VTI1A: variants seen among roughly 807,000 people sequenced by gnomAD.
VTI1A encodes vesicle transport through interaction with t-SNAREs homolog 1A.
VTI1A carries 22 observed loss-of-function variants against 34.9 expected under a neutral mutation model. The observed-to-expected ratio is 0.63, with a 90% CI of 0.45 to 0.90. The LOEUF is 0.90. Among genes scored for constraint, VTI1A ranks in the 40% least tolerant of loss-of-function variants. The pLI is 0.00. For missense variants in VTI1A, 268 were observed against 275.6 expected (o/e 0.97, Z 0.20); for synonymous variants, 87 against 97.3 (o/e 0.89, Z 0.62).
At chr10:112,448,201 G>T (rs762648810) in intron 1 of VTI1A, among the ~76,000 whole-genome samples, 2 of 152,088 alleles carry the variant, frequency 1.3e-5, no homozygotes, top group African/African-American at 2.4e-5. Flanking sequence ...GTTAGTTGCT[G>T]TATTAGCATT....
chr10:112,597,729 G>A (rs1163942618), intron 5 of VTI1A, among the ~76,000 whole-genome samples: 1 of 117,096 alleles, frequency 8.5e-6, no homozygotes, highest in East Asian at 2.5e-4. Context: ...ACGGAGTCTC[G>A]CTCTGTCGCC....
chr10:112,669,111 C>A (rs1847752880), intron 7 of VTI1A, 113 bp downstream of exon 7: 9 of 1,211,134 alleles, frequency 7.4e-6, no homozygotes, highest in Non-Finnish European at 1.1e-5. Flanking sequence ...GCTCTTAGTA[C>A]CCTGTGCAGG....
At chr10:112,691,738 G>T (rs1483325300) in intron 7 of VTI1A, among the ~76,000 whole-genome samples, 1 of 152,190 alleles carries the variant, frequency 6.6e-6, no homozygotes, top group East Asian at 1.9e-4. Flanking sequence ...ACAGCAACTT[G>T]CATGGAAGGT....
downstream of VTI1A, among the ~76,000 whole-genome samples, chr10:112,819,080 T>C (rs964902730): frequency 6.6e-6 from 1 of 152,238 alleles, no homozygotes; most frequent in Non-Finnish European, 1.5e-5. Flanking sequence ...TGTATTCAAA[T>C]GCAGAAGAGA....
intron 4 of VTI1A, chr10:112,533,547 A>C: frequency 9.9e-7 from 1 of 1,012,324 alleles, no homozygotes; most frequent in Non-Finnish European, 1.2e-6. Context: ...AATTACGTGA[A>C]GAGGTGAGTA....
At chr10:112,842,625 A>G in the VTI1A span, among the ~76,000 whole-genome samples, 1 of 152,230 alleles carries the variant, frequency 6.6e-6, no homozygotes, top group African/African-American at 2.4e-5. Context: ...CTTCAGCTCC[A>G]AATTCTATGA....
intron 5 of VTI1A, among the ~76,000 whole-genome samples, chr10:112,627,071 T>C (rs1224792152): frequency 2.0e-5 from 3 of 152,252 alleles, no homozygotes; most frequent in African/African-American, 7.2e-5. Context: ...TATATGTTGA[T>C]TCAGTCTTCC....
Position 112,703,102 on chromosome 10 carries a change from A to G in VTI1A, c.560+34104A>G, listed in dbSNP as rs185437753. ...GTAATAAGCTGTTAAAGGCAAAATT[A>G]TACTTTTTATACTTTTCACCAATAA... On this transcript the variant is annotated intron_variant, in intron 7 of 7. Coordinates refer to ENST00000393077, the MANE Select transcript of VTI1A (RefSeq NM_145206.4). Among the ~76,000 whole-genome samples, 5 of 152,328 alleles carry G rather than the reference A, an allele frequency of 3.3e-5. No homozygotes were observed. In the East Asian group the frequency reaches 9.6e-4, roughly 29 times the overall value.
chr10:112,528,788 G>A (rs1305560749), intron 4 of VTI1A, among the ~76,000 whole-genome samples: 1 of 152,110 alleles, frequency 6.6e-6, no homozygotes, highest in East Asian at 1.9e-4. Flanking sequence ...TAATGCAGAG[G>A]AAATAGAAAG....
chr10:112,740,840 A>G (rs944287246), intron 7 of VTI1A, among the ~76,000 whole-genome samples: 20 of 152,222 alleles, frequency 1.3e-4, no homozygotes, highest in Non-Finnish European at 2.6e-4. Context: ...TCCAAGACCC[A>G]TGAAAACCTA....
intron 4 of VTI1A, among the ~76,000 whole-genome samples, chr10:112,537,437 A>G (rs1850687089): frequency 1.3e-5 from 2 of 150,566 alleles, no homozygotes; most frequent in South Asian, 4.2e-4. Context: ...TACAAAAAAA[A>G]TCAACAACAA....
chr10:112,466,012 T>G (rs1442948642), intron 3 of VTI1A, among the ~76,000 whole-genome samples: 1 of 152,118 alleles, frequency 6.6e-6, no homozygotes, highest in Non-Finnish European at 1.5e-5. Flanking sequence ...TTCAGCAAAT[T>G]AATGAAATTT....
the VTI1A span, among the ~76,000 whole-genome samples, chr10:112,851,335 C>G: frequency 2.0e-5 from 3 of 152,210 alleles, no homozygotes; most frequent in African/African-American, 7.2e-5. Context: ...TCTCTTCCAA[C>G]TAGACAATGT....
At chr10:112,566,719 C>T (rs954019220) in intron 5 of VTI1A, among the ~76,000 whole-genome samples, 1 of 152,022 alleles carries the variant, frequency 6.6e-6, no homozygotes, top group Non-Finnish European at 1.5e-5. Flanking sequence ...GTATTGTTGG[C>T]GAATGGGACT....
intron 7 of VTI1A, among the ~76,000 whole-genome samples, chr10:112,690,409 A>G (rs1290097189): frequency 1.3e-5 from 2 of 152,322 alleles, no homozygotes; most frequent in African/African-American, 4.8e-5. Context: ...GCTCTCCATC[A>G]TTGCTCTTAA....
At chr10:112,600,995 G>A (rs1245171684) in intron 5 of VTI1A, among the ~76,000 whole-genome samples, 4 of 152,158 alleles carry the variant, frequency 2.6e-5, no homozygotes, top group Non-Finnish European at 4.4e-5. Flanking sequence ...ATTTCAATCG[G>A]TGTTGGACTG....
intron 7 of VTI1A, among the ~76,000 whole-genome samples, chr10:112,786,357 A>G (rs1465693357): frequency 1.3e-5 from 2 of 152,172 alleles, no homozygotes; most frequent in Non-Finnish European, 2.9e-5. Flanking sequence ...AGGATTTTAT[A>G]CATACAGAAT....
chr10:112,761,772 G>C (rs67663411), intron 7 of VTI1A, among the ~76,000 whole-genome samples: 45 of 98,986 alleles, frequency 4.5e-4, no homozygotes, highest in African/African-American at 1.2e-3. Flanking sequence ...TTCTTTCTCT[G>C]TGTGTGTGTG....
intron 7 of VTI1A, among the ~76,000 whole-genome samples, chr10:112,733,725 ATTATT>A (rs71035398): frequency 0.19 from 24,008 of 128,312 alleles, 2,191 homozygotes; most frequent in Middle Eastern, 0.22. Flanking sequence ...TCTCATTTAC[ATTATT>A]TTATTTTATT....
Sources: allele counts gnomAD v4.1 joint callset (sites outside exome capture counted in the v4.1 genomes callset), GRCh38; gene constraint gnomAD v4.1.1; transcripts MANE v1.5; gene names NCBI Gene and HGNC (gene_info 2026-07-23, HGNC 2026-07-21).